CHFR: variants seen among roughly 807,000 people sequenced by gnomAD.
CHFR encodes the protein checkpoint with forkhead and ring finger domains, also known as E3 ubiquitin-protein ligase CHFR.
A neutral mutation model predicts 87.6 loss-of-function variants in CHFR; 57 were observed. The observed-to-expected ratio is 0.65, with a 90% CI of 0.53 to 0.81. The LOEUF is 0.81. Among genes scored for constraint, CHFR ranks in the 30% least tolerant of loss-of-function variants. The probability of loss-of-function intolerance (pLI) is 0.00; values close to 1 mark genes in which losing one functional copy is unlikely to be tolerated. For missense variants in CHFR, 797 were observed against 865.8 expected, an observed-to-expected ratio of 0.92 and a Z score of 1.00; for synonymous variants, 381 against 359.2, an observed-to-expected ratio of 1.06 and a Z score of -0.69.
chr12:132,842,166 G>C (rs559434476), intron 17 of CHFR, among the ~76,000 whole-genome samples: 34 of 149,952 alleles, frequency 2.3e-4, no homozygotes, highest in African/African-American at 8.1e-4. Flanking sequence ...TTAGAGAAGA[G>C]AATAAAAGCT....
At chr12:132,848,759 C>A in intron 12 of CHFR, 35 bp from the exon 13 acceptor site, 2 of 1,470,876 alleles carry the variant, frequency 1.4e-6, no homozygotes, top group Non-Finnish European at 9.3e-7. Flanking sequence ...ACGCACTCAG[C>A]GCTGAGGGCT....
At chr12:132,863,523 C>T (rs535381475) in intron 6 of CHFR, among the ~76,000 whole-genome samples, 1 of 151,982 alleles carries the variant, frequency 6.6e-6, no homozygotes, top group South Asian at 2.1e-4. Context: ...CAAAGTAAAA[C>T]AAAACAAACA....
chr12:132,866,610 G>GCGTAACACC, intron 6 of CHFR: 1 of 117,162 alleles, frequency 8.5e-6, no homozygotes, highest in South Asian at 3.1e-4. Flanking sequence ...CAACACACCA[G>GCGTAACACC]AAAGTTACAA....
At chr12:132,859,650 C>T (rs1451262827) in intron 7 of CHFR, among the ~76,000 whole-genome samples, 1 of 152,160 alleles carries the variant, frequency 6.6e-6, no homozygotes, top group Non-Finnish European at 1.5e-5. Context: ...GCGCCCCACC[C>T]TCTTCTGGTG....
At chr12:132,877,265 A>C (rs1951650646) in intron 3 of CHFR, among the ~76,000 whole-genome samples, 1 of 152,304 alleles carries the variant, frequency 6.6e-6, no homozygotes, top group South Asian at 2.1e-4. Context: ...ATAGCCTAGG[A>C]GCAATCGGCT....
chr12:132,881,792 C>T (rs7300955), intron 2 of CHFR, among the ~76,000 whole-genome samples: 23,742 of 150,840 alleles, frequency 0.16, 3,946 homozygotes, highest in East Asian at 0.47. Context: ...GGCTTGAACC[C>T]GGGAGGCGGA....
At chr12:132,842,948 T>G in intron 17 of CHFR, 63 bp downstream of exon 17, 1 of 1,369,052 alleles carries the variant, frequency 7.3e-7, no homozygotes, top group South Asian at 1.2e-5. Flanking sequence ...AGCCTATTTA[T>G]AAGCAGGCAG....
At chr12:132,877,708 C>T (rs11147137) in intron 2 of CHFR, 54 bp from the exon 3 acceptor site, 198,960 of 1,128,678 alleles carry the variant, frequency 0.18, 18,947 homozygotes, top group Middle Eastern at 0.23. Flanking sequence ...ACTGTGAACA[C>T]TACTGCACTT....
At chr12:132,885,846 C>G (rs942008235) in intron 2 of CHFR, among the ~76,000 whole-genome samples, 10 of 152,190 alleles carry the variant, frequency 6.6e-5, no homozygotes, top group African/African-American at 2.4e-4. Flanking sequence ...GGCCTCTGCT[C>G]TTCACCAAAC....
rs896188758 is a variant in CHFR at position 132,839,823 on chromosome 12, T to A, written c.*1731A>T. ...TAACTAGGGACCTCCCCTCTCAGCC[T>A]CGCCCCTGCACAAACTCGGGATCTC... On this transcript the variant is annotated 3_prime_UTR_variant, in exon 18 of 18. Coordinates refer to ENST00000450056, the MANE Select transcript of CHFR (RefSeq NM_001161346.2). 3 of 146,032 alleles carry A rather than the reference T, an allele frequency of 2.1e-5. No homozygotes were observed. The highest frequency in any genetic ancestry group is 9.1e-5 in the African/African-American group (3 of 32,862). 9.0% of individuals were successfully genotyped at this position (146,032 alleles called of 1,614,324 possible). A position where few individuals can be genotyped will look rare whatever the true frequency, so the allele number is the denominator to read the frequency against.
chr12:132,875,156 A>G (rs1951602416), intron 3 of CHFR, among the ~76,000 whole-genome samples: 1 of 152,262 alleles, frequency 6.6e-6, no homozygotes, highest in South Asian at 2.1e-4. Context: ...TCTGATATCT[A>G]TTAGACTAGG....
In CHFR at chr12:132,877,768, T is replaced by TA. The variant is rs149820641; in HGVS notation, c.134-115dup. 3.0e-3 allele frequency: 1,504 copies of TA among 501,068 alleles called. 6 individuals are homozygous for TA. The highest frequency in any genetic ancestry group is 0.017 in the African/African-American group (843 of 49,348). The allele number at this position is 501,068 out of a possible 1,614,324, so 31.0% of individuals were successfully genotyped here. A position where few individuals can be genotyped will look rare whatever the true frequency, so the allele number is the denominator to read the frequency against. ...ACTCAGGATCCCCATTGTACATATG[T>TA]AAAAAAAAACACTTGACCAAGAAAG... On this transcript the variant is annotated intron_variant, in intron 2 of 17. Transcript: ENST00000450056.
At chr12:132,851,759 C>A (rs1002079476) in intron 11 of CHFR, 22 bp from the exon 12 acceptor site, 2 of 1,600,460 alleles carry the variant, frequency 1.2e-6, no homozygotes, top group Admixed American at 1.7e-5. Flanking sequence ...GCACATTCAG[C>A]CGGAGCACGT....
At chr12:132,859,357 C>CT (rs961048958) in intron 7 of CHFR, 130 bp from the exon 8 acceptor site, 10,205 of 795,656 alleles carry the variant, frequency 0.013, no homozygotes, top group Middle Eastern at 0.018. Context: ...TACATGCAGT[C>CT]TTTTTTTTTT....
At chr12:132,852,688 C>T (rs1950973938) in intron 11 of CHFR, among the ~76,000 whole-genome samples, 1 of 152,256 alleles carries the variant, frequency 6.6e-6, no homozygotes, top group South Asian at 2.1e-4. Flanking sequence ...CAAACCCAGG[C>T]TGGTGGATGG....
intron 17 of CHFR, 99 bp downstream of exon 17, chr12:132,842,912 C>G: frequency 2.0e-6 from 2 of 1,006,538 alleles, no homozygotes; most frequent in Non-Finnish European, 3.1e-6. Flanking sequence ...AAGGATGCAA[C>G]CTGAGAGAAG....
intron 15 of CHFR, among the ~76,000 whole-genome samples, 173 bp from the exon 16 acceptor site, chr12:132,844,307 C>T (rs533411629): frequency 1.3e-5 from 2 of 152,300 alleles, no homozygotes; most frequent in Admixed American, 6.5e-5. Context: ...TTTATTGAGA[C>T]GGAGTCTCGC....
At chr12:132,871,290 A>G (rs1274167891) in intron 4 of CHFR, among the ~76,000 whole-genome samples, 1 of 151,954 alleles carries the variant, frequency 6.6e-6, no homozygotes, top group East Asian at 1.9e-4. Flanking sequence ...TGTCTGTACT[A>G]AAAATACAAA....
At position 132,847,125 on chromosome 12, in the gene CHFR, G is replaced by T; in HGVS notation, c.1653C>A (p.Tyr551Ter). Residue 551 changes from tyrosine (Y) to a stop codon, truncating the protein, a stop_gained, in exon 15 of 18, where the codon TAC becomes TAA. Coordinates refer to ENST00000450056, the MANE Select transcript of CHFR (RefSeq NM_001161346.2). LOFTEE classifies it high-confidence loss of function. ...NSYESDILKN[Y>*]LATRGLTWKN... ...TCCATGTCAAACCTCTGGTTGCCAG[G>T]TAATTCTGTGACGCAAAAAAAGAGA... is the stretch of plus-strand genomic sequence containing the variant. 1.2e-6 allele frequency: 2 copies of T among 1,613,594 alleles called. No individual in the cohort carries two copies. The highest frequency in any genetic ancestry group is 1.7e-6 in the Non-Finnish European group (2 of 1,179,700).
Sources: gnomAD v4.1 joint callset for allele counts (sites outside exome capture counted in the v4.1 genomes callset) on GRCh38, gnomAD v4.1.1 for gene constraint, MANE v1.5 for transcripts, NCBI Gene and HGNC (gene_info 2026-07-23, HGNC 2026-07-21) for gene names.